LIMD1: variants seen among roughly 807,000 people sequenced by gnomAD.
The protein encoded by LIMD1 is LIM domain-containing protein 1.
A neutral mutation model predicts 58.4 loss-of-function variants in LIMD1; 23 were observed. That is an observed-to-expected ratio of 0.39 (90% confidence interval 0.28 to 0.56). The LOEUF is 0.56. Among genes scored for constraint, LIMD1 ranks in the 20% least tolerant of loss-of-function variants. The probability of loss-of-function intolerance (pLI) is 0.57; values close to 1 mark genes in which losing one functional copy is unlikely to be tolerated. For missense variants in LIMD1, 838 were observed against 855.5 expected, an observed-to-expected ratio of 0.98 and a Z score of 0.25; for synonymous variants, 334 against 345.5, an observed-to-expected ratio of 0.97 and a Z score of 0.37.
At chr3:45,639,067 G>T (rs1015508282) in intron 2 of LIMD1, among the ~76,000 whole-genome samples, 1 of 152,118 alleles carries the variant, frequency 6.6e-6, no homozygotes, top group Non-Finnish European at 1.5e-5. Flanking sequence ...CAGAGGTCTC[G>T]CTGTGTTGCC....
At chr3:45,629,697 C>A (rs934129402) in intron 1 of LIMD1, among the ~76,000 whole-genome samples, 1 of 152,154 alleles carries the variant, frequency 6.6e-6, no homozygotes, top group African/African-American at 2.4e-5. Context: ...GAAGAAGATA[C>A]AAGCAGCTGG....
At chr3:45,620,776 A>G (rs1701621843) in intron 1 of LIMD1, among the ~76,000 whole-genome samples, 1 of 152,262 alleles carries the variant, frequency 6.6e-6, no homozygotes, top group African/African-American at 2.4e-5. Context: ...TAGTGGGCAA[A>G]AATATGATAA....
rs745851990 is a variant in LIMD1 at position 45,683,045 on chromosome 3, T to A, written c.*5986T>A. The A allele has an allele frequency of 1.3e-5, 2 of 152,466 alleles. No homozygotes were observed. The highest frequency in any genetic ancestry group is 2.9e-5 in the Non-Finnish European group (2 of 68,252). 9.4% of individuals were successfully genotyped at this position (152,466 alleles called of 1,614,324 possible). Reference sequence around the variant, plus strand: ...CCATTTTCCTTGGCTTGTGGCTGCATCATTCTGGCTGCTTCTATTGTCACA... The same window carrying A: ...CCATTTTCCTTGGCTTGTGGCTGCAACATTCTGGCTGCTTCTATTGTCACA... On this transcript the variant is annotated 3_prime_UTR_variant, in exon 8 of 8. Transcript: ENST00000273317.
intron 3 of LIMD1, among the ~76,000 whole-genome samples, chr3:45,666,130 G>A (rs1372775115): frequency 2.6e-5 from 4 of 152,148 alleles, no homozygotes; most frequent in Non-Finnish European, 5.9e-5. Context: ...TCTGAGGCCA[G>A]CTGCTGGCAT....
intron 2 of LIMD1, among the ~76,000 whole-genome samples, chr3:45,645,131 A>G (rs1369198050): frequency 6.6e-6 from 1 of 152,236 alleles, no homozygotes; most frequent in East Asian, 1.9e-4. Flanking sequence ...GGAAGCAACC[A>G]AAATAGGCTG....
At chr3:45,665,527 T>C in intron 2 of LIMD1, 123 bp from the exon 3 acceptor site, 2 of 716,670 alleles carry the variant, frequency 2.8e-6, no homozygotes, top group Non-Finnish European at 2.4e-6. Flanking sequence ...GAAAGTGTCA[T>C]TGACAGTTGG....
Position 45,677,321 on chromosome 3 carries a change from T to C in LIMD1, c.*262T>C. 2.4e-6 allele frequency: 1 copy of C among 410,016 alleles called. No homozygotes were observed. 25.4% of individuals were successfully genotyped at this position (410,016 alleles called of 1,614,324 possible). A position where few individuals can be genotyped will look rare whatever the true frequency, so the allele number is the denominator to read the frequency against. The stretch of plus-strand genomic sequence containing the variant: ...AAATGCTCCAGCATGTGCGAGCACA[T>C]GACCTGAGGTTGCATCATAGCACCA... On this transcript the variant is annotated 3_prime_UTR_variant, in exon 8 of 8. Transcript: ENST00000273317.
At chr3:45,621,023 A>G (rs1345008216) in intron 1 of LIMD1, among the ~76,000 whole-genome samples, 1 of 152,196 alleles carries the variant, frequency 6.6e-6, no homozygotes, top group Non-Finnish European at 1.5e-5. Flanking sequence ...CAGTCTGATC[A>G]TGAAGAAACA....
Position 45,674,416 on chromosome 3 carries a change from ACCCCT to A in LIMD1, c.1893+10_1893+14del. On this transcript the variant is annotated splice_donor_region_variant and intron_variant, in intron 7 of 7. Transcript: ENST00000273317. ...GTGGAGTGTTACCACTGCGAGGTAGACCCCTCCCCACCCAGCCCCCAAAGCCCATT... is the reference window on the plus strand; with the variant it reads ...GTGGAGTGTTACCACTGCGAGGTAGACCCCACCCAGCCCCCAAAGCCCATT... 2 of 1,607,840 alleles carry A rather than the reference ACCCCT, an allele frequency of 1.2e-6. No homozygotes were observed. Among genetic ancestry groups the A allele is most frequent in the Non-Finnish European group, 1.7e-6 (2 of 1,175,044 alleles).
At chr3:45,645,671 G>C (rs1466147230) in intron 2 of LIMD1, among the ~76,000 whole-genome samples, 1 of 152,160 alleles carries the variant, frequency 6.6e-6, no homozygotes, top group Non-Finnish European at 1.5e-5. Flanking sequence ...CTGGGTTAGG[G>C]AGTAAACTCT....
chr3:45,677,190 T>TG lies in LIMD1; in HGVS notation c.*137dup, dbSNP rs1697683512. On this transcript the variant is annotated 3_prime_UTR_variant, in exon 8 of 8. Transcript: ENST00000273317. ...AGGAGGGAGAGTTCCTGTGAGCATG[T>TG]GGGGGGTGCCTTTCCTTTAACCAGG... 4 of 998,456 alleles carry TG rather than the reference T, an allele frequency of 4.0e-6. No homozygotes were observed. The highest frequency in any genetic ancestry group is 4.6e-5 in the Admixed American group (2 of 43,684). The allele number at this position is 998,456 out of a possible 1,614,324, so 61.8% of individuals were successfully genotyped here. A position where few individuals can be genotyped will look rare whatever the true frequency, so the allele number is the denominator to read the frequency against.
intron 2 of LIMD1, among the ~76,000 whole-genome samples, chr3:45,645,009 C>T (rs759847966): frequency 6.6e-6 from 1 of 152,188 alleles, no homozygotes; most frequent in African/African-American, 2.4e-5. Flanking sequence ...TTCAGCAGTT[C>T]TGTATGAGCT....
chr3:45,610,554 G>A (rs267208), intron 1 of LIMD1, among the ~76,000 whole-genome samples: 27,837 of 152,052 alleles, frequency 0.18, 2,717 homozygotes, highest in Non-Finnish European at 0.23. Flanking sequence ...ATGCTGGCAG[G>A]CATGCATGGT....
chr3:45,596,158 G>A lies in LIMD1; in HGVS notation c.1279G>A (p.Val427Ile), dbSNP rs150625150. 1.1e-3 allele frequency: 1,801 copies of A among 1,614,070 alleles called. 1 individual carries two copies. Among genetic ancestry groups the A allele is most frequent in the Non-Finnish European group, 1.4e-3 (1,663 of 1,180,008 alleles). The change falls in exon 1 of 8, where the codon GTA (valine) becomes ATA (isoleucine). Residue 427 changes from valine (V) to isoleucine (I), a missense_variant. Coordinates refer to ENST00000273317, the MANE Select transcript of LIMD1 (RefSeq NM_014240.3). ...VLLDSPSSPR[V>I]RLPCQPLVPG... Reference sequence around the variant, plus strand: ...CCTGGACAGCCCCAGCTCCCCTAGGGTAAGGCTGCCCTGCCAGCCCCTCGT... The same window carrying A: ...CCTGGACAGCCCCAGCTCCCCTAGGATAAGGCTGCCCTGCCAGCCCCTCGT...
At position 45,644,194 on chromosome 3, in the gene LIMD1, G is replaced by A. The variant is rs965430008; in HGVS notation, c.1510+7943G>A. Among the ~76,000 whole-genome samples, 11 of 152,314 alleles carry A rather than the reference G, an allele frequency of 7.2e-5. No homozygotes were observed. The South Asian group carries it at 1.2e-3, about 17-fold the overall frequency. ...GTGTTGTGGAACAGAGGTTCTTAGC[G>A]AATGAATAAGTCCTTGGTGATTGAC... On this transcript the variant is annotated intron_variant, in intron 2 of 7. Transcript: ENST00000273317.
intron 2 of LIMD1, among the ~76,000 whole-genome samples, chr3:45,652,906 T>C (rs1298065616): frequency 6.6e-6 from 1 of 152,198 alleles, no homozygotes; most frequent in Non-Finnish European, 1.5e-5. Context: ...AAACTAACTA[T>C]AAGACAAAGA....
At chr3:45,599,191 A>G (rs6770325) in intron 1 of LIMD1, among the ~76,000 whole-genome samples, 10,534 of 152,144 alleles carry the variant, frequency 0.069, 1,204 homozygotes, top group African/African-American at 0.24. Context: ...AAAATTAACC[A>G]TTTTGAAGTG....
chr3:45,633,030 T>C (rs1701751185), intron 1 of LIMD1, among the ~76,000 whole-genome samples: 1 of 152,222 alleles, frequency 6.6e-6, no homozygotes, highest in African/African-American at 2.4e-5. Context: ...TTTTCTACCT[T>C]GAGAGCATAA....
chr3:45,638,341 A>G (rs904942132), intron 2 of LIMD1, among the ~76,000 whole-genome samples: 1 of 152,198 alleles, frequency 6.6e-6, no homozygotes, highest in Non-Finnish European at 1.5e-5. Context: ...CAGGTTTGTT[A>G]CAAAGGTATA....
Sources: allele counts gnomAD v4.1 joint callset (sites outside exome capture counted in the v4.1 genomes callset), GRCh38; gene constraint gnomAD v4.1.1; transcripts MANE v1.5; gene names NCBI Gene and HGNC (gene_info 2026-07-23, HGNC 2026-07-21).